ZNF783: variants seen among roughly 807,000 people sequenced by gnomAD.
ZNF783 encodes zinc finger protein 783, also known as protein ZNF783.
ZNF783 carries 25 observed loss-of-function variants against 31.3 expected under a neutral mutation model. The ratio of observed to expected loss-of-function variants is 0.80; its 90% confidence interval spans 0.58 to 1.11. The LOEUF is 1.11. Among genes scored for constraint, ZNF783 ranks in the 50% most tolerant of loss-of-function variants. The pLI, the probability that ZNF783 is intolerant of heterozygous loss-of-function variation, is 0.00. For missense variants in ZNF783, 797 were observed against 760.0 expected, an observed-to-expected ratio of 1.05 and a Z score of -0.57; for synonymous variants, 369 against 319.1, an observed-to-expected ratio of 1.16 and a Z score of -1.66.
In ZNF783 at chr7:149,262,340, G is replaced by A. The variant is rs1317115726; in HGVS notation, c.7G>A (p.Glu3Lys). The A allele has an allele frequency of 1.5e-6, 2 of 1,339,696 alleles. No individual in the cohort carries two copies. The highest frequency in any genetic ancestry group is 6.6e-5 in the East Asian group (2 of 30,306). 83.0% of individuals were successfully genotyped at this position (1,339,696 alleles called of 1,614,324 possible). The change falls in exon 1 of 6, where the codon GAA becomes AAA. Residue 3 changes from glutamate (E) to lysine (K), a missense_variant. Transcript: ENST00000434415. ...GCGAGGGACGCGGGCAGCCATGGCC[G>A]AAGCGGCGCCTGCCCGGGTAAGCGC... is the stretch of plus-strand genomic sequence containing the variant. MA[E>K]AAPARDPETD...
intron 5 of ZNF783, among the ~76,000 whole-genome samples, chr7:149,279,320 G>A (rs777504701): frequency 1.3e-5 from 2 of 152,238 alleles, no homozygotes; most frequent in Non-Finnish European, 2.9e-5. Context: ...GACCTGGAAC[G>A]GTGTCCGGGA....
At position 149,281,677 on chromosome 7, in the gene ZNF783, A is replaced by C; in HGVS notation, c.975A>C (p.Ala325=). 6.6e-7 allele frequency: 1 copy of C among 1,505,874 alleles called. No individual in the cohort carries two copies. The highest frequency in any genetic ancestry group is 8.8e-7 in the Non-Finnish European group (1 of 1,137,786). The allele number at this position is 1,505,874 out of a possible 1,614,324, so 93.3% of individuals were successfully genotyped here. The part of the protein sequence containing the change: ...HQAQGMPRVR[A]GEPRPPGASG... ...CCCAGGGCATGCCCAGGGTGCGGGC[A>C]GGGGAGCCACGGCCACCGGGGGCCA... Residue 325 remains alanine (A), a synonymous_variant, in exon 6 of 6, where the codon GCA becomes GCC. Transcript: ENST00000434415.
chr7:149,274,267 AGTTTT>A (rs1172459081), intron 4 of ZNF783, among the ~76,000 whole-genome samples: 2 of 151,412 alleles, frequency 1.3e-5, no homozygotes, highest in African/African-American at 2.4e-5. Flanking sequence ...ATAGGAGTTT[AGTTTT>A]ATTTTTCTGC....
In ZNF783 at chr7:149,281,712, C is replaced by A. The variant is rs767863188; in HGVS notation, c.1010C>A (p.Thr337Lys). 10 of 1,486,846 alleles carry A rather than the reference C, an allele frequency of 6.7e-6. No individual in the cohort carries two copies. Among genetic ancestry groups the A allele is most frequent in the Non-Finnish European group, 8.9e-6 (10 of 1,128,100 alleles). The allele number at this position is 1,486,846 out of a possible 1,614,324, so 92.1% of individuals were successfully genotyped here. Residue 337 changes from threonine (T) to lysine (K), a missense_variant, in exon 6 of 6, where the codon ACG becomes AAG. By Grantham distance (78) the Thr-to-Lys change is moderately conservative. Coordinates refer to ENST00000434415, the MANE Select transcript of ZNF783 (RefSeq NM_001195220.2). ...EPRPPGASGETPRVLSRRRQR... is the reference protein window; with the variant it reads ...EPRPPGASGEKPRVLSRRRQR... ...CGGCCACCGGGGGCCAGTGGGGAGA[C>A]GCCCCGAGTCCTCTCCCGCAGGCGG...
intron 4 of ZNF783, among the ~76,000 whole-genome samples, chr7:149,271,089 C>T (rs989951617): frequency 6.6e-6 from 1 of 152,174 alleles, no homozygotes; most frequent in Non-Finnish European, 1.5e-5. Context: ...CAGGTGCCCG[C>T]CACCACGCCT....
rs1347762233 is a variant in ZNF783 at position 149,283,460 on chromosome 7, G to A, written c.*1117G>A. 6.6e-6 allele frequency: 1 copy of A among 152,210 alleles called. No individual in the cohort carries two copies. The highest frequency in any genetic ancestry group is 1.9e-4 in the East Asian group (1 of 5,194). 9.4% of individuals were successfully genotyped at this position (152,210 alleles called of 1,614,324 possible). ...TGAAGCCTGGACACGTCTCCCCAAG[G>A]GCTCAGTGTTCATGGGTGTGTAAGA... On this transcript the variant is annotated 3_prime_UTR_variant, in exon 6 of 6. Coordinates refer to ENST00000434415, the MANE Select transcript of ZNF783 (RefSeq NM_001195220.2).
intron 4 of ZNF783, chr7:149,277,920 G>A (rs915260996): frequency 3.3e-5 from 6 of 184,006 alleles, no homozygotes; most frequent in African/African-American, 9.4e-5. Flanking sequence ...AGAAGTAGGC[G>A]TAGGGATGGA....
Position 149,266,658 on chromosome 7 carries a change from G to A in ZNF783, c.348G>A (p.Val116=). Residue 116 remains valine (V), a synonymous_variant, in exon 2 of 6, where the codon GTG becomes GTA. Transcript: ENST00000434415. Reference sequence around the variant, plus strand: ...TGCTGCAGAGGCGGCTGGAGAATGTGGAGAACTTGCTGCGCAACAGGAACT... The same window carrying A: ...TGCTGCAGAGGCGGCTGGAGAATGTAGAGAACTTGCTGCGCAACAGGAACT... ...YGLLQRRLEN[V]ENLLRNRNFW... 1 of 1,614,146 alleles carries A rather than the reference G, an allele frequency of 6.2e-7. No homozygotes were observed.
At chr7:149,269,109 G>C (rs1229280630) in intron 4 of ZNF783, among the ~76,000 whole-genome samples, 1 of 152,194 alleles carries the variant, frequency 6.6e-6, no homozygotes. Flanking sequence ...ACCAGCATCT[G>C]ACGGTTTTTG....
At chr7:149,273,287 C>T (rs867744875) in intron 4 of ZNF783, among the ~76,000 whole-genome samples, 8 of 152,132 alleles carry the variant, frequency 5.3e-5, no homozygotes, top group East Asian at 1.9e-4. Flanking sequence ...TTCTGGGTCA[C>T]GTGGTAGTTC....
At position 149,282,990 on chromosome 7, in the gene ZNF783, G is replaced by C. The variant is rs1487594181; in HGVS notation, c.*647G>C. Reference sequence around the variant, plus strand: ...TTTGTTGTTGTTGTTGTTTTTTTAAGATGGAGTTTCACTCTTGTTGCCCAG... The same window carrying C: ...TTTGTTGTTGTTGTTGTTTTTTTAACATGGAGTTTCACTCTTGTTGCCCAG... On this transcript the variant is annotated 3_prime_UTR_variant, in exon 6 of 6. Transcript: ENST00000434415. 1.7e-5 allele frequency: 2 copies of C among 117,152 alleles called. No individual in the cohort carries two copies. The highest frequency in any genetic ancestry group is 3.6e-5 in the Non-Finnish European group (2 of 55,438). 7.3% of individuals were successfully genotyped at this position (117,152 alleles called of 1,614,324 possible).
rs1240977361 is a variant in ZNF783 at position 149,267,195 on chromosome 7, G to A, written c.646G>A (p.Val216Met). Residue 216 changes from valine (V) to methionine (M), a missense_variant, in exon 4 of 6, where the codon GTG (valine) becomes ATG (methionine). By Grantham distance (21) the Val-to-Met change is conservative (BLOSUM62 1). Transcript: ENST00000434415. ...CCAGGAGAAGGGGAATGAAGTAGAG[G>A]TGGGACGTCCAAGGATGATGGGCAC... is the stretch of plus-strand genomic sequence containing the variant. ...WGQEKGNEVE[V>M]GRPRMMGTGL... The A allele has an allele frequency of 6.3e-7, 1 of 1,598,432 alleles. No individual in the cohort carries two copies. Among genetic ancestry groups the A allele is most frequent in the Admixed American group, 1.7e-5 (1 of 59,896 alleles).
chr7:149,278,408 C>T lies in ZNF783; in HGVS notation c.683C>T (p.Pro228Leu), dbSNP rs777858074. ...RPRMMGTGLP[P>L]YPEHLTSPLS... Reference sequence around the variant, plus strand: ...GATTTACATTCTCCAGGCCTCCCTCCGTATCCAGAGCACCTCACCAGCCCA... The same window carrying T: ...GATTTACATTCTCCAGGCCTCCCTCTGTATCCAGAGCACCTCACCAGCCCA... The change falls in exon 5 of 6, where the codon CCG (proline) becomes CTG (leucine). Residue 228 changes from proline to leucine, a missense_variant. By Grantham distance (98) the Pro-to-Leu change is moderately conservative. Transcript: ENST00000434415. 1.4e-5 allele frequency: 22 copies of T among 1,599,310 alleles called. No individual in the cohort carries two copies. The East Asian group carries it at 2.5e-4, about 18-fold the overall frequency.
intron 1 of ZNF783, among the ~76,000 whole-genome samples, chr7:149,262,631 G>A (rs1796953974): frequency 6.6e-6 from 1 of 152,186 alleles, no homozygotes; most frequent in East Asian, 1.9e-4. Context: ...CACGCTCGGC[G>A]ACGAGGAGGC....
intron 4 of ZNF783, among the ~76,000 whole-genome samples, chr7:149,274,742 T>G (rs1475058633): frequency 6.6e-6 from 1 of 152,248 alleles, no homozygotes; most frequent in Non-Finnish European, 1.5e-5. Context: ...TTCCCTCTTC[T>G]ATTCTGTTGT....
chr7:149,270,324 T>G (rs1797181308), intron 4 of ZNF783, among the ~76,000 whole-genome samples: 2 of 152,186 alleles, frequency 1.3e-5, no homozygotes, highest in East Asian at 1.9e-4. Flanking sequence ...AAGACAGAGT[T>G]TCACTATATT....
In ZNF783 at chr7:149,282,517, A is replaced by G. The variant is rs1422368122; in HGVS notation, c.*174A>G. ...CGGGTGCTTTCTGTTTCCTGTTTGC[A>G]CTCTTCGCTGCCTTTTCTGCATTCC... is the stretch of plus-strand genomic sequence containing the variant. On this transcript the variant is annotated 3_prime_UTR_variant, in exon 6 of 6. Coordinates refer to ENST00000434415, the MANE Select transcript of ZNF783 (RefSeq NM_001195220.2). The G allele has an allele frequency of 1.7e-6, 1 of 599,900 alleles. No individual in the cohort carries two copies. The highest frequency in any genetic ancestry group is 2.8e-6 in the Non-Finnish European group (1 of 357,056). 37.2% of individuals were successfully genotyped at this position (599,900 alleles called of 1,614,324 possible).
At position 149,266,850 on chromosome 7, in the gene ZNF783, A is replaced by G. The variant is rs565735467; in HGVS notation, c.452A>G (p.Tyr151Cys). Residue 151 changes from tyrosine to cysteine, a missense_variant, in exon 3 of 6, where the codon TAT becomes TGT. Physicochemically the swap from Tyr to Cys is radical, Grantham distance 194. Transcript: ENST00000434415. ...VPVTFDDVAV[Y>C]FSELEWGKLE... ...GTGACCTTCGATGATGTGGCCGTGT[A>G]TTTCTCTGAGCTGGAGTGGGGCAAG... The G allele has an allele frequency of 4.3e-6, 7 of 1,613,980 alleles. No individual in the cohort carries two copies. In the African/African-American group the frequency reaches 9.3e-5, roughly 22 times the overall value.
chr7:149,272,002 A>G (rs964393413), intron 4 of ZNF783, among the ~76,000 whole-genome samples: 1 of 152,118 alleles, frequency 6.6e-6, no homozygotes, highest in African/African-American at 2.4e-5. Flanking sequence ...GTTTTTGCCA[A>G]CGTATCTTTT....
Sources: allele counts gnomAD v4.1 joint callset (sites outside exome capture counted in the v4.1 genomes callset), GRCh38; gene constraint gnomAD v4.1.1; transcripts MANE v1.5; gene names NCBI Gene and HGNC (gene_info 2026-07-23, HGNC 2026-07-21).